The following DPP6 variants were observed in gnomAD, a reference collection of about 807,000 sequenced individuals.
The protein encoded by DPP6 is dipeptidyl peptidase like 6.
A neutral mutation model predicts 122.6 loss-of-function variants in DPP6; 69 were observed. The ratio of observed to expected loss-of-function variants is 0.56; its 90% confidence interval spans 0.46 to 0.69. The LOEUF (loss-of-function observed/expected upper bound fraction) is 0.69. DPP6 is among the 30% of genes least tolerant of loss of function. The probability of loss-of-function intolerance (pLI) is 0.00; values close to 1 mark genes in which losing one functional copy is unlikely to be tolerated. For missense variants in DPP6, 928 were observed against 1,116.9 expected (o/e 0.83, Z 2.41); for synonymous variants, 418 against 433.1 (o/e 0.97, Z 0.43).
intron 1 of DPP6, among the ~76,000 whole-genome samples, chr7:154,137,023 C>T (rs1418549478): frequency 6.6e-6 from 1 of 152,222 alleles, no homozygotes; most frequent in Non-Finnish European, 1.5e-5. Flanking sequence ...GCTCAACACA[C>T]TGCCATGACC....
the DPP6 span, among the ~76,000 whole-genome samples, chr7:153,750,868 GA>G: frequency 1.3e-5 from 2 of 152,014 alleles, no homozygotes; most frequent in East Asian, 1.9e-4. Flanking sequence ...TAGCTAGAAG[GA>G]AAAAAAATAT....
At chr7:154,725,931 G>C (rs1469205083) in intron 7 of DPP6, among the ~76,000 whole-genome samples, 1 of 152,134 alleles carries the variant, frequency 6.6e-6, no homozygotes, top group South Asian at 2.1e-4. Flanking sequence ...AGGGCTACAG[G>C]CCACATGCAA....
chr7:154,349,110 G>A (rs948442003), intron 1 of DPP6, among the ~76,000 whole-genome samples: 2 of 152,252 alleles, frequency 1.3e-5, no homozygotes, highest in East Asian at 3.9e-4. Context: ...ACCCAGGCCA[G>A]TGAGGAAGGG....
chr7:154,293,972 A>T (rs1403327922), intron 1 of DPP6, among the ~76,000 whole-genome samples: 3 of 152,156 alleles, frequency 2.0e-5, no homozygotes, highest in Middle Eastern at 3.2e-3. Context: ...CCTAGCCATG[A>T]CGAGAGCCAG....
At chr7:154,310,857 C>T (rs73167317) in intron 1 of DPP6, among the ~76,000 whole-genome samples, 2 of 152,150 alleles carry the variant, frequency 1.3e-5, no homozygotes, top group African/African-American at 2.4e-5. Context: ...GGAATTGTAG[C>T]GTTATTATCT....
the DPP6 span, among the ~76,000 whole-genome samples, chr7:153,792,926 C>T: frequency 0.41 from 62,227 of 150,406 alleles, 10,990 homozygotes; most frequent in Middle Eastern, 0.5. Flanking sequence ...TTGCTTCTTC[C>T]TCATTTTCTC....
chr7:154,440,427 A>G (rs1326176515), intron 1 of DPP6, among the ~76,000 whole-genome samples: 1 of 152,190 alleles, frequency 6.6e-6, no homozygotes, highest in Non-Finnish European at 1.5e-5. Flanking sequence ...GGAGTGGGAA[A>G]GCTTCCCCTG....
the DPP6 span, among the ~76,000 whole-genome samples, chr7:153,802,772 TTTTA>T: frequency 6.6e-6 from 1 of 152,212 alleles, no homozygotes; most frequent in African/African-American, 2.4e-5. Flanking sequence ...GCCCCCTATT[TTTTA>T]TTCTAAAGAA....
chr7:154,682,952 G>A (rs545430636), intron 7 of DPP6, among the ~76,000 whole-genome samples: 5 of 151,926 alleles, frequency 3.3e-5, no homozygotes, highest in African/African-American at 1.2e-4. Context: ...TTTTACTTTT[G>A]TTCTTTTGTT....
rs111430281 is a variant in DPP6, at chr7:154,441,797, G to A, written c.244-4417G>A. 6.8e-3 allele frequency among the ~76,000 whole-genome samples: 1,038 copies of A among 152,182 alleles called. 9 individuals are homozygous for A. The highest frequency in any genetic ancestry group is 0.021 in the African/African-American group (888 of 41,536). On this transcript the variant is annotated intron_variant, in intron 1 of 25. Coordinates refer to ENST00000377770, the MANE Select transcript of DPP6 (RefSeq NM_130797.4). Reference sequence around the variant, plus strand: ...ATCTTAATCTGGGTTTCTTGCACTCGAGATACAAAATTGGCACACACAAAA... The same window carrying A: ...ATCTTAATCTGGGTTTCTTGCACTCAAGATACAAAATTGGCACACACAAAA...
chr7:154,060,735 C>A (rs1156585812), intron 1 of DPP6, among the ~76,000 whole-genome samples: 2 of 116,646 alleles, frequency 1.7e-5, no homozygotes, highest in Non-Finnish European at 3.7e-5. Context: ...GCACCCCCCG[C>A]GAGGCAGGGA....
At chr7:154,350,525 TG>T (rs1329392896) in intron 1 of DPP6, among the ~76,000 whole-genome samples, 1 of 152,154 alleles carries the variant, frequency 6.6e-6, no homozygotes, top group Non-Finnish European at 1.5e-5. Context: ...ACATTCATGA[TG>T]GGGGACTACT....
At chr7:154,611,455 T>G (rs1450880696) in intron 5 of DPP6, among the ~76,000 whole-genome samples, 2 of 152,200 alleles carry the variant, frequency 1.3e-5, no homozygotes, top group African/African-American at 4.8e-5. Flanking sequence ...TCTTTGGTTA[T>G]CCAAGAGAGA....
chr7:153,844,931 A>C, the DPP6 span, among the ~76,000 whole-genome samples: 1 of 152,328 alleles, frequency 6.6e-6, no homozygotes, highest in East Asian at 1.9e-4. Flanking sequence ...GCATCCTTCA[A>C]TGTTGCTGTG....
chr7:154,867,723 G>A (rs892658764), intron 17 of DPP6, among the ~76,000 whole-genome samples: 17 of 152,316 alleles, frequency 1.1e-4, no homozygotes, highest in African/African-American at 4.1e-4. Flanking sequence ...ACGCCACGGA[G>A]AACAAAAACC....
rs572730925 is a variant in DPP6 at position 154,826,168 on chromosome 7, A to G, written c.1666+19056A>G. Among the ~76,000 whole-genome samples, 5 of 152,366 alleles carry G rather than the reference A, an allele frequency of 3.3e-5. No homozygotes were observed. In the South Asian group the frequency reaches 6.2e-4, roughly 19 times the overall value. On this transcript the variant is annotated intron_variant, in intron 16 of 25. Coordinates refer to ENST00000377770, the MANE Select transcript of DPP6 (RefSeq NM_130797.4). ...GAGTTTGGCACAGTGTATGAGTTTA[A>G]TAAATATTTGAAGCCTTCAAATAGG...
rs1806281062 is a variant in DPP6, at chr7:154,887,740, T to C, written c.2304+6T>C. ...TTGACAACAGAGCATACGAGGTGTG[T>C]ATGGGCACAACTAGAGAATGTGATG... is the stretch of plus-strand genomic sequence containing the variant. On this transcript the variant is annotated splice_donor_region_variant and intron_variant, in intron 23 of 25. Coordinates refer to ENST00000377770, the MANE Select transcript of DPP6 (RefSeq NM_130797.4). 1.2e-6 allele frequency: 2 copies of C among 1,613,672 alleles called. No individual in the cohort carries two copies.
chr7:154,500,238 A>T (rs1471755335), intron 3 of DPP6, among the ~76,000 whole-genome samples: 1 of 152,238 alleles, frequency 6.6e-6, no homozygotes, highest in Non-Finnish European at 1.5e-5. Flanking sequence ...AGGAATTATT[A>T]TAGATAGTGG....
At chr7:154,439,061 C>T (rs138013837) in intron 1 of DPP6, among the ~76,000 whole-genome samples, 47 of 152,282 alleles carry the variant, frequency 3.1e-4, no homozygotes, top group African/African-American at 1.1e-3. Flanking sequence ...AAAAAGTGAG[C>T]TCCAATTACT....
Sources: gnomAD v4.1 joint callset for allele counts (sites outside exome capture counted in the v4.1 genomes callset) on GRCh38, gnomAD v4.1.1 for gene constraint, MANE v1.5 for transcripts, NCBI Gene and HGNC (gene_info 2026-07-23, HGNC 2026-07-21) for gene names.